The following PCDHGA2 variants were observed in gnomAD, a reference collection of about 807,000 sequenced individuals.
PCDHGA2 encodes protocadherin gamma subfamily A, 2.
A neutral mutation model predicts 59.2 loss-of-function variants in PCDHGA2; 40 were observed. The observed-to-expected ratio is 0.68, with a 90% CI of 0.52 to 0.88. PCDHGA2 has a LOEUF of 0.88. Ranked by LOEUF, PCDHGA2 falls within the 40% of genes least tolerant of loss-of-function variation. The pLI, the probability that PCDHGA2 is intolerant of heterozygous loss-of-function variation, is 0.00. For synonymous variants in PCDHGA2, 560 were observed against 526.0 expected (o/e 1.06, Z -0.89); for missense variants, 1,226 against 1,204.0 (o/e 1.02, Z -0.27).
chr5:141,424,055 C>A, intron 1 of PCDHGA2: 2 of 1,007,784 alleles, frequency 2.0e-6, no homozygotes, highest in Non-Finnish European at 1.2e-6. Context: ...TTTTGCTGTG[C>A]CTTCACTGAT....
At chr5:141,417,859 G>T (rs925593025) in intron 1 of PCDHGA2, 10 of 1,548,090 alleles carry the variant, frequency 6.5e-6, no homozygotes, top group African/African-American at 2.7e-5. Context: ...CCGAGCGAAC[G>T]ATGGGAGGGA....
rs115001531 is a variant in PCDHGA2, at chr5:141,495,385, G to A, written c.2483+520G>A. Among the ~76,000 whole-genome samples the A allele has an allele frequency of 2.2e-3, 339 of 152,328 alleles. 1 individual carries two copies. Among genetic ancestry groups the A allele is most frequent in the African/African-American group, 7.9e-3 (329 of 41,590 alleles). ...AGGTGGAACTGAGGAAGGACTGGGC[G>A]GGGCATGGAGCAGGCCCCCTTCTCC... On this transcript the variant is annotated intron_variant, in intron 2 of 3. Transcript: ENST00000394576.
At chr5:141,346,335 C>T (rs1489415232) in intron 1 of PCDHGA2, 11 of 1,614,122 alleles carry the variant, frequency 6.8e-6, no homozygotes, top group South Asian at 1.1e-5. Context: ...GAAGAGCCAC[C>T]TGATTTTCCC....
chr5:141,466,573 C>T (rs2099125317), intron 1 of PCDHGA2, among the ~76,000 whole-genome samples: 1 of 152,104 alleles, frequency 6.6e-6, no homozygotes, highest in South Asian at 2.1e-4. Context: ...TCAACATTGT[C>T]TCATCCCTTC....
chr5:141,413,477 C>A, intron 1 of PCDHGA2: 1 of 1,614,100 alleles, frequency 6.2e-7, no homozygotes, highest in Non-Finnish European at 8.5e-7. Flanking sequence ...GAGCTCTGCG[C>A]TCAGAGCGCG....
intron 1 of PCDHGA2, chr5:141,345,134 T>A (rs1371380198): frequency 6.2e-7 from 1 of 1,613,964 alleles, no homozygotes. Context: ...GAGAAATTGC[T>A]CTTATCGACG....
Position 141,406,695 on chromosome 5 carries a change from A to T in PCDHGA2, c.2424+65300A>T, listed in dbSNP as rs62378452. Among the ~76,000 whole-genome samples, 1,219 of 152,310 alleles carry T rather than the reference A, an allele frequency of 8.0e-3. 8 individuals are homozygous for T. Among genetic ancestry groups the T allele is most frequent in the Non-Finnish European group, 0.011 (770 of 68,010 alleles). Reference sequence around the variant, plus strand: ...GAATAGTAGGACATTCTTCTTTTCTATAGTATATGCTTGCTCAAGAGAAGT... The same window carrying T: ...GAATAGTAGGACATTCTTCTTTTCTTTAGTATATGCTTGCTCAAGAGAAGT... On this transcript the variant is annotated intron_variant, in intron 1 of 3. Coordinates refer to ENST00000394576, the MANE Select transcript of PCDHGA2 (RefSeq NM_018915.4).
intron 3 of PCDHGA2, 99 bp from the exon 4 acceptor site, chr5:141,510,848 G>A: frequency 6.3e-7 from 1 of 1,596,080 alleles, no homozygotes. Flanking sequence ...TCAAGGCCCA[G>A]GGTGCTGTAT....
Position 141,485,754 on chromosome 5 carries a change from T to A in PCDHGA2, c.2425-9053T>A, listed in dbSNP as rs770807249. ...AGCGACGGCAGCCTGGTCCCAGAGC[T>A]GCTCCTGGAGAAGCCTTTGGATCGA... On this transcript the variant is annotated intron_variant, in intron 1 of 3. Transcript: ENST00000394576. This position sits in a 1 kb window ranked among gnomAD's most constrained non-coding sequence, Gnocchi z 5.7. 1 of 1,614,236 alleles carries A rather than the reference T, an allele frequency of 6.2e-7. No individual in the cohort carries two copies. The highest frequency in any genetic ancestry group is 8.5e-7 in the Non-Finnish European group (1 of 1,180,044).
chr5:141,376,292 G>C (rs377013387), intron 1 of PCDHGA2: 30 of 1,614,038 alleles, frequency 1.9e-5, no homozygotes, highest in Middle Eastern at 3.3e-4. Flanking sequence ...GAGCATGCCC[G>C]GCTCGCACTT....
Position 141,487,649 on chromosome 5 carries a change from G to T in PCDHGA2, c.2425-7158G>T. The T allele has an allele frequency of 1.2e-6, 2 of 1,614,020 alleles. No individual in the cohort carries two copies. The highest frequency in any genetic ancestry group is 1.7e-6 in the Non-Finnish European group (2 of 1,179,968). The stretch of plus-strand genomic sequence containing the variant: ...TTTGCAGGCTCAACAAATGCTTGAG[G>T]GTTATTCTGATCCAGGCATATGGCT... On this transcript the variant is annotated intron_variant, in intron 1 of 3. Coordinates refer to ENST00000394576, the MANE Select transcript of PCDHGA2 (RefSeq NM_018915.4). This position sits in a 1 kb window ranked among gnomAD's most constrained non-coding sequence, Gnocchi z 5.0.
chr5:141,388,458 C>T, intron 1 of PCDHGA2: 1 of 1,613,696 alleles, frequency 6.2e-7, no homozygotes, highest in Non-Finnish European at 8.5e-7. Context: ...CAGTAAATAC[C>T]CTGAGATGGT....
chr5:141,403,762 T>G (rs1217388200), intron 1 of PCDHGA2: 1 of 1,613,854 alleles, frequency 6.2e-7, no homozygotes, highest in Non-Finnish European at 8.5e-7. Flanking sequence ...GCGACCTGGA[T>G]GAGGGAATCA....
At position 141,420,290 on chromosome 5, in the gene PCDHGA2, T is replaced by C. The variant is rs563124810; in HGVS notation, c.2425-74517T>C. 1.3e-5 allele frequency: 19 copies of C among 1,496,908 alleles called. No individual in the cohort carries two copies. The East Asian group carries it at 3.9e-4, about 30-fold the overall frequency. 92.7% of individuals were successfully genotyped at this position (1,496,908 alleles called of 1,614,324 possible). A position where few individuals can be genotyped will look rare whatever the true frequency, so the allele number is the denominator to read the frequency against. ...TCTTAAACAGGTAAGTATTTAAAAA[T>C]GTATTTAATCCTTTTTATATTACAA... On this transcript the variant is annotated intron_variant, in intron 1 of 3. Transcript: ENST00000394576.
intron 2 of PCDHGA2, among the ~76,000 whole-genome samples, chr5:141,504,572 A>G (rs184273457): frequency 6.7e-6 from 1 of 148,962 alleles, no homozygotes; most frequent in Admixed American, 6.9e-5. Flanking sequence ...TCTAGGGAAC[A>G]CCATCTGCCC....
chr5:141,459,084 A>T (rs2098960410), intron 1 of PCDHGA2, among the ~76,000 whole-genome samples: 2 of 152,204 alleles, frequency 1.3e-5, no homozygotes, highest in Non-Finnish European at 2.9e-5. Flanking sequence ...TGCCTTTTAA[A>T]ATTATACAGT....
In PCDHGA2 at chr5:141,485,610, C is replaced by A; in HGVS notation, c.2425-9197C>A. ...CTGGACTTGGAAATTGGGGAGGCAGCTCCTCCAGGACAGCGTTTCCCGTTG... is the reference window on the plus strand; with the variant it reads ...CTGGACTTGGAAATTGGGGAGGCAGATCCTCCAGGACAGCGTTTCCCGTTG... On this transcript the variant is annotated intron_variant, in intron 1 of 3. Coordinates refer to ENST00000394576, the MANE Select transcript of PCDHGA2 (RefSeq NM_018915.4). This position sits in a 1 kb window ranked among gnomAD's most constrained non-coding sequence, Gnocchi z 5.7. The A allele has an allele frequency of 1.2e-6, 2 of 1,612,076 alleles. No individual in the cohort carries two copies. The highest frequency in any genetic ancestry group is 1.7e-6 in the Non-Finnish European group (2 of 1,178,616).
At chr5:141,389,069 T>A in intron 1 of PCDHGA2, 1 of 1,614,016 alleles carries the variant, frequency 6.2e-7, no homozygotes, top group Non-Finnish European at 8.5e-7. Flanking sequence ...TATTAACTTC[T>A]TCAAGAAACA....
intron 1 of PCDHGA2, chr5:141,384,575 C>G (rs754018989): frequency 6.2e-7 from 1 of 1,614,258 alleles, no homozygotes; most frequent in East Asian, 2.2e-5. Context: ...AATGACAACC[C>G]GCCCGAGATC....
Sources: gnomAD v4.1 joint callset for allele counts (sites outside exome capture counted in the v4.1 genomes callset) on GRCh38, gnomAD v4.1.1 for gene constraint, Gnocchi (gnomAD v3.1) non-coding constraint, MANE v1.5 for transcripts, NCBI Gene and HGNC (gene_info 2026-07-23, HGNC 2026-07-21) for gene names.